The following DYNC2H1 variants were observed in gnomAD, a reference collection of about 807,000 sequenced individuals.
The protein encoded by DYNC2H1 is cytoplasmic dynein 2 heavy chain 1.
DYNC2H1 carries 410 observed loss-of-function variants against 570.0 expected under a neutral mutation model. The ratio of observed to expected loss-of-function variants is 0.72; its 90% CI spans 0.66 to 0.78. The LOEUF (loss-of-function observed/expected upper bound fraction) is 0.78. Ranked by LOEUF, DYNC2H1 falls within the 30% of genes least tolerant of loss-of-function variation. DYNC2H1 has a pLI of 0.00. For missense variants in DYNC2H1, 4,865 were observed against 5,046.4 expected (o/e 0.96, Z 1.09); for synonymous variants, 1,688 against 1,677.6 (o/e 1.01, Z -0.15).
chr11:103,290,996 C>T (rs1866572384), intron 75 of DYNC2H1, among the ~76,000 whole-genome samples: 1 of 152,144 alleles, frequency 6.6e-6, no homozygotes, highest in African/African-American at 2.4e-5. Flanking sequence ...TACATTTCTC[C>T]AAAAGCAGCC....
At chr11:103,390,737 T>C (rs1031632440) in intron 83 of DYNC2H1, among the ~76,000 whole-genome samples, 1 of 152,176 alleles carries the variant, frequency 6.6e-6, no homozygotes, top group African/African-American at 2.4e-5. Flanking sequence ...TAAAGTATTT[T>C]ATTTCTCCTT....
chr11:103,343,216 G>T (rs1450110006), intron 82 of DYNC2H1, among the ~76,000 whole-genome samples: 1 of 152,138 alleles, frequency 6.6e-6, no homozygotes, highest in Non-Finnish European at 1.5e-5. Context: ...CGTTGACCCT[G>T]CAGCCATGAG....
chr11:103,445,752 C>T lies in DYNC2H1; in HGVS notation c.12457-9434C>T, dbSNP rs192042181. Among the ~76,000 whole-genome samples, 492 of 152,140 alleles carry T rather than the reference C, an allele frequency of 3.2e-3. 2 individuals carry two copies. The highest frequency in any genetic ancestry group is 5.4e-3 in the Non-Finnish European group (369 of 67,976). ...TTGCAAGCTCTGCCTCCTGGGTTCA[C>T]GCCATTCTCCTGCCTCAGCCTCCCT... On this transcript the variant is annotated intron_variant, in intron 85 of 88. Coordinates refer to ENST00000375735, the MANE Select transcript of DYNC2H1 (RefSeq NM_001377.3).
At position 103,133,795 on chromosome 11, in the gene DYNC2H1, A is replaced by G. The variant is rs958709157; in HGVS notation, c.2106+88A>G. 4 of 1,337,128 alleles carry G rather than the reference A, an allele frequency of 3.0e-6. No homozygotes were observed. The highest frequency in any genetic ancestry group is 1.5e-5 in the African/African-American group (1 of 66,768). The allele number at this position is 1,337,128 out of a possible 1,614,324, so 82.8% of individuals were successfully genotyped here. On this transcript the variant is annotated intron_variant, in intron 14 of 88. Transcript: ENST00000375735. The surrounding 1 kb of genome is among the most constrained non-coding windows in gnomAD (Gnocchi z 4.8). ...ACAATTTTTAAAAACTTATTTTGAA[A>G]TAATTTGAGACTTAAAGTTACAAAA...
chr11:103,218,379 A>G (rs1410019984), intron 55 of DYNC2H1, among the ~76,000 whole-genome samples: 4 of 152,348 alleles, frequency 2.6e-5, no homozygotes, highest in African/African-American at 9.6e-5. Flanking sequence ...TGACCTGGTA[A>G]GTAATACATC....
Position 103,109,507 on chromosome 11 carries a change from T to G in DYNC2H1, c.-68T>G, listed in dbSNP as rs1858005552. On this transcript the variant is annotated 5_prime_UTR_variant, in exon 1 of 89. Coordinates refer to ENST00000375735, the MANE Select transcript of DYNC2H1 (RefSeq NM_001377.3). ...TTTGAGCAAAGCTCCTCTCTTCCCT[T>G]CACTTCCCTCCGGACTGGTTTCTTC... The G allele has an allele frequency of 6.8e-7, 1 of 1,466,484 alleles. No individual in the cohort carries two copies. Among genetic ancestry groups the G allele is most frequent in the Non-Finnish European group, 9.3e-7 (1 of 1,072,662 alleles). 90.8% of individuals were successfully genotyped at this position (1,466,484 alleles called of 1,614,324 possible).
intron 74 of DYNC2H1, 108 bp from the exon 75 acceptor site, chr11:103,287,425 T>G: frequency 1.2e-6 from 1 of 857,508 alleles, no homozygotes; most frequent in African/African-American, 1.7e-5. Flanking sequence ...ATGATAAGTG[T>G]TCCCATATTT....
chr11:103,359,208 C>G (rs1940511211), intron 83 of DYNC2H1, among the ~76,000 whole-genome samples: 1 of 152,226 alleles, frequency 6.6e-6, no homozygotes. Context: ...ACTTATATCT[C>G]TGTTTTTTAT....
chr11:103,288,342 G>A (rs1481461367), intron 75 of DYNC2H1, among the ~76,000 whole-genome samples: 1 of 152,068 alleles, frequency 6.6e-6, no homozygotes, highest in African/African-American at 2.4e-5. Context: ...CAGTGAAAGA[G>A]CTCAGGCCAA....
chr11:103,226,781 G>T (rs1367005742), intron 59 of DYNC2H1, among the ~76,000 whole-genome samples: 4 of 152,118 alleles, frequency 2.6e-5, no homozygotes, highest in Non-Finnish European at 5.9e-5. Context: ...GTGTCAATAG[G>T]ATTGGTACCA....
chr11:103,198,659 T>C (rs745859185), intron 48 of DYNC2H1, among the ~76,000 whole-genome samples: 4 of 152,208 alleles, frequency 2.6e-5, no homozygotes, highest in Non-Finnish European at 4.4e-5. Flanking sequence ...TCTGGTAAAC[T>C]GATTCGCCTG....
chr11:103,456,405 A>G (rs1322545180), intron 87 of DYNC2H1, 49 bp downstream of exon 87: 1 of 1,446,888 alleles, frequency 6.9e-7, no homozygotes. Context: ...TCACCAACTG[A>G]TATAAGAGAT....
intron 88 of DYNC2H1, among the ~76,000 whole-genome samples, chr11:103,477,646 A>G (rs934105233): frequency 5.9e-5 from 9 of 151,940 alleles, no homozygotes; most frequent in African/African-American, 1.5e-4. Flanking sequence ...CCTGGCTAAC[A>G]CAGTGAAACC....
intron 52 of DYNC2H1, among the ~76,000 whole-genome samples, chr11:103,207,899 A>T (rs983825632): frequency 2.0e-5 from 3 of 152,120 alleles, no homozygotes; most frequent in African/African-American, 7.2e-5. Flanking sequence ...ATTTTGATTT[A>T]CCATGGAATT....
chr11:103,249,718 A>C lies in DYNC2H1; in HGVS notation c.10043-3567A>C, dbSNP rs1864758094. 6.6e-6 allele frequency among the ~76,000 whole-genome samples: 1 copy of C among 152,012 alleles called. No homozygotes were observed. Among genetic ancestry groups the C allele is most frequent in the Non-Finnish European group, 1.5e-5 (1 of 67,962 alleles). The stretch of plus-strand genomic sequence containing the variant: ...CACCAACATCAGAGAGGTCACTCTG[A>C]CTGCAGTCATGTTTGAGCACAAAAA... On this transcript the variant is annotated intron_variant, in intron 65 of 88. Coordinates refer to ENST00000375735, the MANE Select transcript of DYNC2H1 (RefSeq NM_001377.3). This position sits in a 1 kb window ranked among gnomAD's most constrained non-coding sequence, Gnocchi z 4.6.
intron 87 of DYNC2H1, among the ~76,000 whole-genome samples, chr11:103,458,081 C>T (rs770751692): frequency 6.6e-6 from 1 of 152,150 alleles, no homozygotes; most frequent in Non-Finnish European, 1.5e-5. Flanking sequence ...GTGTCCTAGG[C>T]CTTCACATCA....
chr11:103,366,008 A>G (rs1221677174), intron 83 of DYNC2H1, among the ~76,000 whole-genome samples: 1 of 152,252 alleles, frequency 6.6e-6, no homozygotes, highest in African/African-American at 2.4e-5. Flanking sequence ...TTAAAATTGT[A>G]TAGGCATTAA....
Position 103,474,091 on chromosome 11 carries a change from G to A in DYNC2H1, c.12766-5004G>A, listed in dbSNP as rs542889303. The A allele has an allele frequency of 2.0e-4, 48 of 239,352 alleles. 1 individual carries two copies. The highest frequency in any genetic ancestry group is 3.6e-4 in the Admixed American group (8 of 22,314). The allele number at this position is 239,352 out of a possible 1,614,324, so 14.8% of individuals were successfully genotyped here. On this transcript the variant is annotated intron_variant, in intron 88 of 88. Coordinates refer to ENST00000375735, the MANE Select transcript of DYNC2H1 (RefSeq NM_001377.3). Reference sequence around the variant, plus strand: ...TTGTATGTTATTTTTTTTCTTCAAGGACTTATTATGAAAGTAATGATGTTA... The same window carrying A: ...TTGTATGTTATTTTTTTTCTTCAAGAACTTATTATGAAAGTAATGATGTTA...
At chr11:103,478,062 G>GA (rs1192283205) in intron 88 of DYNC2H1, among the ~76,000 whole-genome samples, 1 of 6,702 alleles carries the variant, frequency 1.5e-4, no homozygotes, top group Non-Finnish European at 8.2e-3. Context: ...AACTTAAAAA[G>GA]TTCCCCTGAG....
Sources: allele counts gnomAD v4.1 joint callset (sites outside exome capture counted in the v4.1 genomes callset), GRCh38; gene constraint gnomAD v4.1.1; non-coding constraint Gnocchi (gnomAD v3.1); transcripts MANE v1.5; gene names NCBI Gene and HGNC (gene_info 2026-07-23, HGNC 2026-07-21).